The following GPATCH2 variants were observed in gnomAD, a reference collection of about 807,000 sequenced individuals.
GPATCH2 encodes the protein G patch domain-containing protein 2.
A neutral mutation model predicts 58.0 loss-of-function variants in GPATCH2; 51 were observed. The observed-to-expected ratio is 0.88, with a 90% CI of 0.70 to 1.11. GPATCH2 has a LOEUF of 1.11. Ranked by LOEUF, GPATCH2 falls within the 50% of genes most tolerant of loss-of-function variation. The pLI, the probability that GPATCH2 is intolerant of heterozygous loss-of-function variation, is 0.00. For synonymous variants in GPATCH2, 222 were observed against 218.5 expected, an observed-to-expected ratio of 1.02 and a Z score of -0.14; for missense variants, 625 against 652.2, an observed-to-expected ratio of 0.96 and a Z score of 0.45.
At chr1:217,597,254 G>A (rs943080592) in intron 5 of GPATCH2, among the ~76,000 whole-genome samples, 1 of 151,702 alleles carries the variant, frequency 6.6e-6, no homozygotes, top group African/African-American at 2.4e-5. Context: ...GATCACTTGA[G>A]CCCAGGAGTT....
At chr1:217,610,820 C>A in intron 4 of GPATCH2, 69 bp downstream of exon 4, 2 of 1,071,298 alleles carry the variant, frequency 1.9e-6, no homozygotes, top group Non-Finnish European at 2.7e-6. Context: ...TTATCTTATC[C>A]TCCTTGAATG....
chr1:217,518,777 A>T (rs2102591455), intron 5 of GPATCH2, among the ~76,000 whole-genome samples: 1 of 152,342 alleles, frequency 6.6e-6, no homozygotes, highest in Non-Finnish European at 1.5e-5. Flanking sequence ...GTCCCCTTCA[A>T]CTTCGCTCTG....
At chr1:217,446,278 T>A (rs1463045235) in intron 9 of GPATCH2, among the ~76,000 whole-genome samples, 1 of 152,166 alleles carries the variant, frequency 6.6e-6, no homozygotes, top group Non-Finnish European at 1.5e-5. Context: ...CAAGGGCCTA[T>A]AAAAGGGCAA....
chr1:217,447,162 T>C (rs971319534), intron 9 of GPATCH2, among the ~76,000 whole-genome samples: 3 of 152,182 alleles, frequency 2.0e-5, no homozygotes, highest in Non-Finnish European at 2.9e-5. Flanking sequence ...TCATCCAAAA[T>C]GTGGCTACAT....
At chr1:217,488,395 T>C (rs920054483) in intron 8 of GPATCH2, among the ~76,000 whole-genome samples, 3 of 152,206 alleles carry the variant, frequency 2.0e-5, no homozygotes, top group African/African-American at 7.2e-5. Flanking sequence ...CTTTGCTTTA[T>C]ACATTTTGAG....
At chr1:217,543,414 C>T (rs1365135819) in intron 5 of GPATCH2, among the ~76,000 whole-genome samples, 1 of 151,978 alleles carries the variant, frequency 6.6e-6, no homozygotes, top group Non-Finnish European at 1.5e-5. Flanking sequence ...GGACTACAGG[C>T]GCCCACCACC....
intron 5 of GPATCH2, among the ~76,000 whole-genome samples, chr1:217,568,073 T>C (rs553676511): frequency 6.0e-4 from 92 of 152,196 alleles, no homozygotes; most frequent in Middle Eastern, 3.4e-3. Flanking sequence ...GCCGAGATCG[T>C]GCCACTGCAC....
intron 5 of GPATCH2, among the ~76,000 whole-genome samples, chr1:217,540,790 C>T (rs1664698892): frequency 6.6e-6 from 1 of 152,172 alleles, no homozygotes; most frequent in African/African-American, 2.4e-5. Context: ...CCTAGGACTA[C>T]GTAGCTAAAG....
At chr1:217,510,699 G>A (rs908621411) in intron 6 of GPATCH2, among the ~76,000 whole-genome samples, 2 of 152,124 alleles carry the variant, frequency 1.3e-5, no homozygotes, top group African/African-American at 4.8e-5. Context: ...GGTTAGAGCA[G>A]TCATTTGATT....
At chr1:217,433,675 C>T (rs958722599) in intron 9 of GPATCH2, among the ~76,000 whole-genome samples, 2 of 152,102 alleles carry the variant, frequency 1.3e-5, no homozygotes, top group African/African-American at 4.8e-5. Context: ...GGATTACAGG[C>T]GTGAGCCACC....
At position 217,431,154 on chromosome 1, in the gene GPATCH2, T is replaced by A. The variant is rs1162631434; in HGVS notation, c.1578A>T (p.Lys526Asn). Residue 526 changes from lysine to asparagine, a missense_variant, in exon 10 of 10, where the codon AAA becomes AAT. Transcript: ENST00000366935. ...TTCTTCTTTGCTTTTCTTAGGCGGA[T>A]TTTCCTGCATTGGGGGTAGTAGTTG... ...TSATTTPNAG[K>N]SA The A allele has an allele frequency of 2.0e-6, 3 of 1,476,990 alleles. No homozygotes were observed. The allele number at this position is 1,476,990 out of a possible 1,614,324, so 91.5% of individuals were successfully genotyped here.
intron 5 of GPATCH2, chr1:217,609,807 T>C (rs976307875): frequency 2.0e-6 from 2 of 983,972 alleles, no homozygotes; most frequent in African/African-American, 3.5e-5. Flanking sequence ...AAGGAATACT[T>C]GTCGATCTGG....
chr1:217,470,550 AT>A (rs1660680343), intron 8 of GPATCH2, among the ~76,000 whole-genome samples: 1 of 152,182 alleles, frequency 6.6e-6, no homozygotes, highest in Non-Finnish European at 1.5e-5. Context: ...AACTAATTTT[AT>A]TTCATATAAT....
intron 5 of GPATCH2, among the ~76,000 whole-genome samples, chr1:217,604,745 G>T (rs1023750943): frequency 1.3e-5 from 2 of 151,840 alleles, no homozygotes; most frequent in Non-Finnish European, 2.9e-5. Flanking sequence ...GGCCCTTCTG[G>T]CCTAGTGTGA....
chr1:217,492,012 A>G (rs1011525465), intron 7 of GPATCH2, among the ~76,000 whole-genome samples: 8 of 152,120 alleles, frequency 5.3e-5, no homozygotes, highest in Non-Finnish European at 8.8e-5. Context: ...AGAGTTAGCA[A>G]TCGAGTTCTT....
At chr1:217,549,197 A>G (rs78025131) in intron 5 of GPATCH2, among the ~76,000 whole-genome samples, 1,880 of 152,286 alleles carry the variant, frequency 0.012, 39 homozygotes, top group African/African-American at 0.042. Flanking sequence ...TACTGAGAAC[A>G]TATTATGGGT....
At chr1:217,512,659 T>C (rs1405322095) in intron 6 of GPATCH2, among the ~76,000 whole-genome samples, 10 of 152,192 alleles carry the variant, frequency 6.6e-5, no homozygotes, top group Non-Finnish European at 1.3e-4. Flanking sequence ...TTTGCTGGCA[T>C]GAAACTGCAA....
At chr1:217,443,527 T>G (rs1396254142) in intron 9 of GPATCH2, among the ~76,000 whole-genome samples, 2 of 152,164 alleles carry the variant, frequency 1.3e-5, no homozygotes, top group African/African-American at 4.8e-5. Flanking sequence ...TATTTCTTGA[T>G]ATAGACTCGT....
intron 5 of GPATCH2, among the ~76,000 whole-genome samples, chr1:217,526,901 T>G (rs1663933091): frequency 6.6e-6 from 1 of 152,220 alleles, no homozygotes; most frequent in Admixed American, 6.5e-5. Context: ...AATTGTGAAT[T>G]GTGCCTGCAA....
Sources: allele counts gnomAD v4.1 joint callset (sites outside exome capture counted in the v4.1 genomes callset), GRCh38; gene constraint gnomAD v4.1.1; transcripts MANE v1.5; gene names NCBI Gene and HGNC (gene_info 2026-07-23, HGNC 2026-07-21).